Variants in LMNTD1 observed in about 807,000 individuals in gnomAD.
LMNTD1 encodes the protein lamin tail domain containing 1, also known as lamin tail domain-containing protein 1.
Under a neutral mutation model 50.9 loss-of-function variants are expected in LMNTD1, and 35 were observed. The ratio of observed to expected loss-of-function variants is 0.69; its 90% CI spans 0.53 to 0.91. LMNTD1 has a LOEUF of 0.91. LMNTD1 is among the 40% of genes least tolerant of loss of function. LMNTD1 has a pLI of 0.00. For missense variants in LMNTD1, 470 were observed against 475.5 expected (o/e 0.99, Z 0.11); for synonymous variants, 153 against 161.9 (o/e 0.94, Z 0.42).
intron 1 of LMNTD1, among the ~76,000 whole-genome samples, chr12:25,622,408 A>G (rs903483934): frequency 6.6e-6 from 1 of 151,814 alleles, no homozygotes; most frequent in African/African-American, 2.4e-5. Context: ...CACAGGCACT[A>G]ACATAAAAAG....
At chr12:25,623,714 C>A (rs540946600) in intron 1 of LMNTD1, among the ~76,000 whole-genome samples, 2 of 152,228 alleles carry the variant, frequency 1.3e-5, no homozygotes, top group South Asian at 2.1e-4. Context: ...CATTGGATAT[C>A]TGCTACCATC....
intron 9 of LMNTD1, among the ~76,000 whole-genome samples, chr12:25,479,768 G>T (rs916280559): frequency 6.6e-6 from 1 of 152,114 alleles, no homozygotes; most frequent in Non-Finnish European, 1.5e-5. Flanking sequence ...AAGACAAATC[G>T]CTGCCCTTTT....
chr12:25,598,262 T>G (rs1022881362), intron 1 of LMNTD1, among the ~76,000 whole-genome samples: 2 of 151,972 alleles, frequency 1.3e-5, no homozygotes, highest in Admixed American at 1.3e-4. Flanking sequence ...GAATGACCAG[T>G]GGGTCAATAA....
chr12:25,595,633 A>G (rs996699027), intron 1 of LMNTD1, among the ~76,000 whole-genome samples: 1 of 152,186 alleles, frequency 6.6e-6, no homozygotes, highest in African/African-American at 2.4e-5. Context: ...GGTCTGAAAG[A>G]GCACAAACAG....
intron 1 of LMNTD1, among the ~76,000 whole-genome samples, chr12:25,558,653 A>T (rs577347563): frequency 6.6e-6 from 1 of 152,238 alleles, no homozygotes; most frequent in Non-Finnish European, 1.5e-5. Flanking sequence ...ACATTTCCAC[A>T]TGGCCGGGGA....
At chr12:25,593,985 A>C (rs1429708511) in intron 1 of LMNTD1, among the ~76,000 whole-genome samples, 1 of 152,234 alleles carries the variant, frequency 6.6e-6, no homozygotes, top group Non-Finnish European at 1.5e-5. Context: ...GCTCGAAGAC[A>C]AGGTCTTTGA....
At chr12:25,648,518 C>T (rs770704291) in exon 1 of LMNTD1, 14 of 1,551,578 alleles carry the variant, frequency 9.0e-6, no homozygotes, top group African/African-American at 1.4e-5. Flanking sequence ...ACTCTGGAAA[C>T]ACCGATGTCT....
chr12:25,619,288 A>ATATATATAT (rs1946425414), intron 1 of LMNTD1, among the ~76,000 whole-genome samples: 1 of 145,828 alleles, frequency 6.9e-6, no homozygotes, highest in Non-Finnish European at 1.5e-5. Flanking sequence ...ATGTATAGCT[A>ATATATATAT]ACTAGTTTTC....
chr12:25,499,866 C>G (rs928227575), intron 9 of LMNTD1: 1 of 152,150 alleles, frequency 6.6e-6, no homozygotes, highest in African/African-American at 2.4e-5. Context: ...GAAAGCGGAA[C>G]CCGCTACGTT....
At chr12:25,544,000 T>C (rs548945634) in intron 4 of LMNTD1, among the ~76,000 whole-genome samples, 1 of 151,988 alleles carries the variant, frequency 6.6e-6, no homozygotes, top group South Asian at 2.1e-4. Flanking sequence ...TAAGAGAGAG[T>C]CTATTCAGGA....
At chr12:25,622,328 T>C (rs1200827114) in intron 1 of LMNTD1, among the ~76,000 whole-genome samples, 2 of 152,110 alleles carry the variant, frequency 1.3e-5, no homozygotes, top group Non-Finnish European at 2.9e-5. Flanking sequence ...AACTTCACCG[T>C]ATGACTTAGC....
In LMNTD1 at chr12:25,622,471, C is replaced by T. The variant is rs900356860; in HGVS notation, c.58+26023G>A. Among the ~76,000 whole-genome samples the T allele has an allele frequency of 6.6e-5, 9 of 136,608 alleles. No individual in the cohort carries two copies. In the East Asian group the frequency reaches 1.1e-3, roughly 16 times the overall value. The allele number at this position is 136,608 out of a possible 152,430, so 89.6% of individuals were successfully genotyped here. On this transcript the variant is annotated intron_variant, in intron 1 of 7. Coordinates refer to the LMNTD1 transcript ENST00000445693. ...TGACCTTGAGTTTGTGAGCCCGCCC[C>T]CCCCCGCAAAATAATATCAACATCA...
chr12:25,573,897 T>C (rs920929075), intron 1 of LMNTD1, among the ~76,000 whole-genome samples: 2 of 152,152 alleles, frequency 1.3e-5, no homozygotes, highest in South Asian at 2.1e-4. Flanking sequence ...TGAGTTTGCC[T>C]CACCCTGCCC....
At chr12:25,492,394 A>G (rs537160731) in intron 9 of LMNTD1, among the ~76,000 whole-genome samples, 3 of 152,290 alleles carry the variant, frequency 2.0e-5, no homozygotes, top group East Asian at 3.9e-4. Context: ...TTAATTAGGG[A>G]TCATGAGTTG....
rs182205510 is a variant in LMNTD1, at chr12:25,622,731, G to A, written c.58+25763C>T. 2.4e-4 allele frequency among the ~76,000 whole-genome samples: 36 copies of A among 152,132 alleles called. No individual in the cohort carries two copies. In the East Asian group the frequency reaches 6.8e-3, roughly 29 times the overall value. The stretch of plus-strand genomic sequence containing the variant: ...ATTTAAGATTACACTCTGACCTCAC[G>A]TATTCAGAGATGATCCCTCTGAAGC... On this transcript the variant is annotated intron_variant, in intron 1 of 7. Coordinates refer to the LMNTD1 transcript ENST00000445693.
rs143233739 is a variant in LMNTD1, at chr12:25,619,217, ACTCT to A, written c.58+29273_58+29276del. ...CTGGGTAAGGGATACATGCTTTTCA[ACTCT>A]CTCTCTCTCTCTCTCTCTCTCTCTC... On this transcript the variant is annotated intron_variant, in intron 1 of 7. Coordinates refer to the LMNTD1 transcript ENST00000445693. Among the ~76,000 whole-genome samples the A allele has an allele frequency of 5.7e-3, 690 of 120,076 alleles. 5 individuals carry two copies. Among genetic ancestry groups the A allele is most frequent in the African/African-American group, 8.9e-3 (279 of 31,412 alleles). 78.8% of individuals were successfully genotyped at this position (120,076 alleles called of 152,430 possible). A position where few individuals can be genotyped will look rare whatever the true frequency, so the allele number is the denominator to read the frequency against.
chr12:25,614,023 T>C (rs1040956552), intron 1 of LMNTD1, among the ~76,000 whole-genome samples: 1 of 151,702 alleles, frequency 6.6e-6, no homozygotes, highest in African/African-American at 2.4e-5. Flanking sequence ...AAGAGAGTGG[T>C]TTCCAAAATG....
intron 4 of LMNTD1, among the ~76,000 whole-genome samples, chr12:25,532,150 A>G (rs1942268502): frequency 6.6e-6 from 1 of 152,136 alleles, no homozygotes; most frequent in Non-Finnish European, 1.5e-5. Flanking sequence ...TATCTTTTGT[A>G]TACGTTGTTT....
intron 9 of LMNTD1, among the ~76,000 whole-genome samples, chr12:25,477,601 A>G (rs1159626570): frequency 1.3e-5 from 2 of 152,188 alleles, no homozygotes; most frequent in African/African-American, 2.4e-5. Flanking sequence ...GGATGCCACC[A>G]GCATAAGGAG....
Sources: allele counts gnomAD v4.1 joint callset (sites outside exome capture counted in the v4.1 genomes callset), GRCh38; gene constraint gnomAD v4.1.1; transcripts MANE v1.5; gene names NCBI Gene and HGNC (gene_info 2026-07-23, HGNC 2026-07-21).